Variants in CSMD1 observed in about 807,000 individuals in gnomAD.
CSMD1 encodes the protein CUB and Sushi multiple domains 1, also known as CUB and sushi domain-containing protein 1.
A neutral mutation model predicts 417.5 loss-of-function variants in CSMD1; 213 were observed. The observed-to-expected ratio is 0.51, with a 90% confidence interval of 0.46 to 0.57. The LOEUF (loss-of-function observed/expected upper bound fraction) is 0.57. CSMD1 is among the 20% of genes least tolerant of loss of function. The pLI, the probability that CSMD1 is intolerant of heterozygous loss-of-function variation, is 0.00. For synonymous variants in CSMD1, 2,862 were observed against 1,736.8 expected, an observed-to-expected ratio of 1.65 and a Z score of -16.11; for missense variants, 6,923 against 4,529.7, an observed-to-expected ratio of 1.53 and a Z score of -15.17.
intron 5 of CSMD1, among the ~76,000 whole-genome samples, chr8:3,954,286 G>C (rs1811781665): frequency 6.6e-6 from 1 of 152,206 alleles, no homozygotes; most frequent in South Asian, 2.1e-4. Flanking sequence ...GGAAAGGAAG[G>C]TGCGCTTGGG....
chr8:3,552,387 C>T (rs1798955279), intron 10 of CSMD1, among the ~76,000 whole-genome samples: 1 of 152,038 alleles, frequency 6.6e-6, no homozygotes, highest in African/African-American at 2.4e-5. Flanking sequence ...ATTTTGTAAG[C>T]ATTACATGCT....
chr8:3,842,619 T>C (rs1234157705), intron 5 of CSMD1, among the ~76,000 whole-genome samples: 1 of 152,154 alleles, frequency 6.6e-6, no homozygotes, highest in Non-Finnish European at 1.5e-5. Flanking sequence ...CAAGAAGATG[T>C]TGACAGCTAG....
intron 12 of CSMD1, among the ~76,000 whole-genome samples, chr8:3,449,910 C>T (rs566510327): frequency 1.4e-4 from 21 of 152,282 alleles, no homozygotes; most frequent in African/African-American, 4.1e-4. Context: ...AACATTAGGA[C>T]ATTTAAGAAA....
At chr8:3,549,240 G>T (rs1436902586) in intron 10 of CSMD1, among the ~76,000 whole-genome samples, 4 of 152,180 alleles carry the variant, frequency 2.6e-5, no homozygotes, top group Non-Finnish European at 1.5e-5. Context: ...GTTCTGAAAG[G>T]GTTGTGGAGA....
Position 3,223,837 on chromosome 8 carries a change from G to A in CSMD1, c.4376C>T (p.Ala1459Val). The change falls in exon 28 of 70, where the codon GCA (alanine) becomes GTA (valine). Residue 1459 changes from alanine (A) to valine (V), a missense_variant. By Grantham distance (64) the Ala-to-Val change is moderately conservative (BLOSUM62 0). Transcript: ENST00000635120. ...GTAGTTGGGTGACAAAATAACACCT[G>A]CTGGGCCCGTCAGATTCCCTCCACA... ...AACGGNLTGP[A>V]GVILSPNYPQ... 1 of 1,613,808 alleles carries A rather than the reference G, an allele frequency of 6.2e-7. No homozygotes were observed. The highest frequency in any genetic ancestry group is 8.5e-7 in the Non-Finnish European group (1 of 1,179,812).
intron 37 of CSMD1, among the ~76,000 whole-genome samples, chr8:3,169,905 G>A (rs543990869): frequency 2.6e-5 from 4 of 152,152 alleles, no homozygotes; most frequent in African/African-American, 9.7e-5. Context: ...TGGCTCTCTA[G>A]TCCTCTGTGG....
chr8:3,608,173 CAAA>C (rs5888975), intron 8 of CSMD1, among the ~76,000 whole-genome samples: 4 of 97,330 alleles, frequency 4.1e-5, no homozygotes, highest in African/African-American at 7.6e-5. Flanking sequence ...GAAGCCATCT[CAAA>C]AAAAAAAAAA....
chr8:3,460,697 C>T (rs1165553902), intron 12 of CSMD1, among the ~76,000 whole-genome samples: 3 of 152,116 alleles, frequency 2.0e-5, no homozygotes, highest in South Asian at 2.1e-4. Flanking sequence ...GATCATAAAC[C>T]ACCAATGTCG....
At chr8:3,444,909 T>C (rs1356461512) in intron 12 of CSMD1, among the ~76,000 whole-genome samples, 3 of 152,290 alleles carry the variant, frequency 2.0e-5, no homozygotes, top group South Asian at 2.1e-4. Flanking sequence ...AGCTGGTCAG[T>C]GCACGTCAGT....
At chr8:3,355,127 T>TA (rs1808697537) in intron 21 of CSMD1, among the ~76,000 whole-genome samples, 1 of 152,116 alleles carries the variant, frequency 6.6e-6, no homozygotes, top group African/African-American at 2.4e-5. Flanking sequence ...AATGACTTTC[T>TA]ACTTTGTCAA....
At position 4,432,846 on chromosome 8, in the gene CSMD1, T is replaced by A. The variant is rs78646962; in HGVS notation, c.303-12781A>T. Among the ~76,000 whole-genome samples the A allele has an allele frequency of 5.1e-3, 777 of 152,308 alleles. 4 individuals carry two copies. The highest frequency in any genetic ancestry group is 0.018 in the African/African-American group (748 of 41,588). On this transcript the variant is annotated intron_variant, in intron 2 of 69. Transcript: ENST00000635120. ...TAGATTTCTTTAGCACTCTGTTGTA[T>A]ACCAAGGGTCTCCAACCGCGAGCCA...
intron 21 of CSMD1, among the ~76,000 whole-genome samples, chr8:3,356,825 G>A (rs1414442775): frequency 7.2e-5 from 11 of 152,216 alleles, no homozygotes; most frequent in African/African-American, 2.4e-4. Flanking sequence ...GGTGCACTCT[G>A]GAGAGCCAGG....
At chr8:3,397,783 G>A (rs924421615) in intron 16 of CSMD1, among the ~76,000 whole-genome samples, 6 of 152,114 alleles carry the variant, frequency 3.9e-5, no homozygotes, top group South Asian at 2.1e-4. Context: ...CCAGGATGAC[G>A]TTGGAAACAG....
chr8:4,835,215 G>C (rs1028988534), intron 1 of CSMD1, among the ~76,000 whole-genome samples: 8 of 152,072 alleles, frequency 5.3e-5, no homozygotes, highest in Admixed American at 1.3e-4. Context: ...ATTAGCGTCA[G>C]AGAGGAGATA....
At chr8:4,738,094 G>T (rs1810360581) in intron 1 of CSMD1, among the ~76,000 whole-genome samples, 1 of 152,104 alleles carries the variant, frequency 6.6e-6, no homozygotes, top group African/African-American at 2.4e-5. Flanking sequence ...CAGGTGAATG[G>T]GACAACAGTA....
chr8:3,596,701 A>G (rs1193389759), intron 8 of CSMD1, among the ~76,000 whole-genome samples: 1 of 152,144 alleles, frequency 6.6e-6, no homozygotes, highest in Non-Finnish European at 1.5e-5. Context: ...ATCCAGGCTT[A>G]AGGAGCACCA....
intron 2 of CSMD1, among the ~76,000 whole-genome samples, chr8:4,477,689 G>T (rs1344716637): frequency 6.6e-6 from 1 of 152,130 alleles, no homozygotes; most frequent in East Asian, 1.9e-4. Context: ...TGTCCCCAAA[G>T]GATAGACTGA....
intron 9 of CSMD1, among the ~76,000 whole-genome samples, chr8:3,581,309 T>C (rs190512318): frequency 1.6e-3 from 248 of 152,348 alleles, no homozygotes; most frequent in African/African-American, 5.7e-3. Context: ...AAAATCATAA[T>C]GGTTGTTTTC....
intron 27 of CSMD1, 35 bp from the exon 28 acceptor site, chr8:3,223,902 G>C (rs369931081): frequency 3.1e-6 from 5 of 1,608,626 alleles, no homozygotes; most frequent in Non-Finnish European, 4.2e-6. Flanking sequence ...GAAAAAGTAA[G>C]GACAGCGAAG....
Sources: gnomAD v4.1 joint callset for allele counts (sites outside exome capture counted in the v4.1 genomes callset) on GRCh38, gnomAD v4.1.1 for gene constraint, MANE v1.5 for transcripts, NCBI Gene and HGNC (gene_info 2026-07-23, HGNC 2026-07-21) for gene names.